Variants in HS6ST1 observed in about 807,000 individuals in gnomAD.
HS6ST1 encodes heparan sulfate 6-O-sulfotransferase 1, also known as heparan-sulfate 6-O-sulfotransferase 1.
HS6ST1 carries 3 observed loss-of-function variants against 25.2 expected under a neutral mutation model. That is an observed-to-expected ratio of 0.12 (90% CI 0.05 to 0.31). The LOEUF (loss-of-function observed/expected upper bound fraction) is 0.31, where lower values mean the gene tolerates loss of function less well. HS6ST1 is among the 10% of genes least tolerant of loss of function. HS6ST1 has a pLI of 1.00. For missense variants in HS6ST1, 310 were observed against 609.6 expected, an observed-to-expected ratio of 0.51 and a Z score of 5.18; for synonymous variants, 204 against 275.1, an observed-to-expected ratio of 0.74 and a Z score of 2.56.
chr2:128,286,886 C>A (rs901001651), intron 1 of HS6ST1, among the ~76,000 whole-genome samples: 2 of 152,192 alleles, frequency 1.3e-5, no homozygotes, highest in Non-Finnish European at 2.9e-5. Context: ...CAAGGCCCCA[C>A]CTGGTTGCCT....
At chr2:128,301,225 C>T (rs1349462394) in intron 1 of HS6ST1, among the ~76,000 whole-genome samples, 1 of 151,820 alleles carries the variant, frequency 6.6e-6, no homozygotes, top group African/African-American at 2.4e-5. Flanking sequence ...TTCCCGGGGG[C>T]TGCGTAGCTC....
intron 1 of HS6ST1, among the ~76,000 whole-genome samples, chr2:128,279,658 A>AAG (rs1693749560): frequency 6.6e-6 from 1 of 151,942 alleles, no homozygotes; most frequent in African/African-American, 2.4e-5. Flanking sequence ...ACGGTGATGC[A>AAG]CACCTCCAGG....
intron 1 of HS6ST1, among the ~76,000 whole-genome samples, chr2:128,280,839 C>A (rs950564975): frequency 6.6e-6 from 1 of 152,244 alleles, no homozygotes; most frequent in African/African-American, 2.4e-5. Context: ...GCTGCCCACA[C>A]CCCTTCCAGA....
intron 1 of HS6ST1, among the ~76,000 whole-genome samples, chr2:128,272,469 C>T (rs1387724387): frequency 5.9e-5 from 9 of 152,218 alleles, no homozygotes; most frequent in South Asian, 2.1e-4. Context: ...AGATGGCACG[C>T]GACCTACTGA....
chr2:128,301,249 G>T (rs1207299316), intron 1 of HS6ST1, among the ~76,000 whole-genome samples: 1 of 151,868 alleles, frequency 6.6e-6, no homozygotes, highest in Non-Finnish European at 1.5e-5. Flanking sequence ...CCACCCCTCT[G>T]TGTGAGGCAG....
At chr2:128,305,257 G>A (rs1483698414) in intron 1 of HS6ST1, among the ~76,000 whole-genome samples, 8 of 152,230 alleles carry the variant, frequency 5.3e-5, no homozygotes, top group East Asian at 1.9e-4. Flanking sequence ...TGCTGGGAAC[G>A]TTGCCAGCCC....
chr2:128,272,821 C>G (rs1049701844), intron 1 of HS6ST1, among the ~76,000 whole-genome samples: 4 of 152,170 alleles, frequency 2.6e-5, no homozygotes, highest in African/African-American at 9.7e-5. Flanking sequence ...CATTTGAAAG[C>G]CATCTAAGTC....
chr2:128,298,418 A>G (rs565141544), intron 1 of HS6ST1, among the ~76,000 whole-genome samples: 14 of 152,342 alleles, frequency 9.2e-5, no homozygotes, highest in African/African-American at 3.4e-4. Flanking sequence ...AGCAGCCAAG[A>G]GTCCACTGAC....
intron 1 of HS6ST1, among the ~76,000 whole-genome samples, chr2:128,300,018 A>C (rs1450596210): frequency 1.3e-5 from 2 of 152,144 alleles, no homozygotes; most frequent in African/African-American, 2.4e-5. Flanking sequence ...TGTGAAGCCC[A>C]GGCTGGGGCA....
Position 128,266,041 on chromosome 2 carries a change from G to A in HS6ST1, c.*2121C>T, listed in dbSNP as rs911498317. The A allele has an allele frequency of 4.0e-5, 6 of 151,466 alleles. No homozygotes were observed. Among genetic ancestry groups the A allele is most frequent in the East Asian group, 3.9e-4 (2 of 5,142 alleles). 9.4% of individuals were successfully genotyped at this position (151,466 alleles called of 1,614,324 possible). On this transcript the variant is annotated 3_prime_UTR_variant, in exon 2 of 2. Transcript: ENST00000259241. Reference sequence around the variant, plus strand: ...CAGCGAAGAGACTGAGACAAGACCCGTGCTTCCGTGTGAGTTGGGATGCGG... The same window carrying A: ...CAGCGAAGAGACTGAGACAAGACCCATGCTTCCGTGTGAGTTGGGATGCGG...
In HS6ST1 at chr2:128,268,251, C is replaced by A. The variant is rs1693554182; in HGVS notation, c.1147G>T (p.Ala383Ser). The A allele has an allele frequency of 6.2e-7, 1 of 1,611,334 alleles. No individual in the cohort carries two copies. Among genetic ancestry groups the A allele is most frequent in the Non-Finnish European group, 8.5e-7 (1 of 1,179,460 alleles). ...RSREERLLHR[A>S]KEALPREDAD... ...TCCTCCCGCGGCAGTGCCTCCTTGG[C>A]CCGGTGCAGCAGACGCTCCTCGCGG... Residue 383 changes from alanine to serine, a missense_variant, in exon 2 of 2, where the codon GCC (alanine) becomes TCC (serine). Transcript: ENST00000259241.
At chr2:128,302,805 G>A (rs1033642767) in intron 1 of HS6ST1, among the ~76,000 whole-genome samples, 2 of 152,144 alleles carry the variant, frequency 1.3e-5, no homozygotes, top group Admixed American at 1.3e-4. Context: ...CTTCCGCAAC[G>A]GCCCCCATCT....
At chr2:128,290,488 A>G (rs1693934723) in intron 1 of HS6ST1, among the ~76,000 whole-genome samples, 1 of 152,314 alleles carries the variant, frequency 6.6e-6, no homozygotes, top group East Asian at 1.9e-4. Flanking sequence ...ATCCAACCCA[A>G]TTGAGCATAT....
chr2:128,307,137 C>G (rs534798803), intron 1 of HS6ST1, among the ~76,000 whole-genome samples: 1 of 152,124 alleles, frequency 6.6e-6, no homozygotes, highest in African/African-American at 2.4e-5. Flanking sequence ...CCAACACATG[C>G]GGCAAAATCG....
At chr2:128,316,737 G>A (rs541119015) in intron 1 of HS6ST1, among the ~76,000 whole-genome samples, 4 of 151,882 alleles carry the variant, frequency 2.6e-5, no homozygotes, top group Admixed American at 2.0e-4. Flanking sequence ...GGGGGAGGGG[G>A]GAGAAAGAAA....
chr2:128,269,460 C>T (rs1178827756), intron 1 of HS6ST1, among the ~76,000 whole-genome samples: 1 of 152,188 alleles, frequency 6.6e-6, no homozygotes, highest in African/African-American at 2.4e-5. Flanking sequence ...CAGTATGTAA[C>T]GGTGCGTGCA....
intron 1 of HS6ST1, among the ~76,000 whole-genome samples, chr2:128,286,704 C>T (rs1015341155): frequency 2.0e-5 from 3 of 152,048 alleles, no homozygotes; most frequent in African/African-American, 7.2e-5. Context: ...GCTTTATTAG[C>T]GTAGGTTTAG....
rs1454599842 is a variant in HS6ST1 at position 128,274,312 on chromosome 2, C to CA, written c.528-5443dup. Among the ~76,000 whole-genome samples the CA allele has an allele frequency of 5.3e-5, 8 of 151,510 alleles. No individual in the cohort carries two copies. In the South Asian group the frequency reaches 8.4e-4, roughly 16 times the overall value. Reference sequence around the variant, plus strand: ...AAAGTTGACCCTTGAAGCATCTGGACAAAAAAAACAATACATAAATGGCAT... The same window carrying CA: ...AAAGTTGACCCTTGAAGCATCTGGACAAAAAAAAACAATACATAAATGGCAT... On this transcript the variant is annotated intron_variant, in intron 1 of 1. Coordinates refer to ENST00000259241, the MANE Select transcript of HS6ST1 (RefSeq NM_004807.3).
intron 1 of HS6ST1, among the ~76,000 whole-genome samples, chr2:128,314,211 A>T (rs542675547): frequency 3.9e-5 from 6 of 152,238 alleles, no homozygotes; most frequent in African/African-American, 1.2e-4. Context: ...TGCCACAGAA[A>T]CGAAGGCTCT....
Sources: allele counts gnomAD v4.1 joint callset (sites outside exome capture counted in the v4.1 genomes callset), GRCh38; gene constraint gnomAD v4.1.1; transcripts MANE v1.5; gene names NCBI Gene and HGNC (gene_info 2026-07-23, HGNC 2026-07-21).